The following ITGAM variants were observed in gnomAD, a reference collection of about 807,000 sequenced individuals.
ITGAM encodes the protein integrin alpha-M.
Under a neutral mutation model 137.5 loss-of-function variants are expected in ITGAM, and 79 were observed. That is an observed-to-expected ratio of 0.57 (90% CI 0.48 to 0.69). The LOEUF is 0.69. Ranked by LOEUF, ITGAM falls within the 30% of genes least tolerant of loss-of-function variation. The pLI is 0.00. For missense variants in ITGAM, 1,343 were observed against 1,483.5 expected (o/e 0.91, Z 1.56); for synonymous variants, 583 against 592.3 (o/e 0.98, Z 0.23).
chr16:31,266,418 A>G (rs1339584475), intron 5 of ITGAM, among the ~76,000 whole-genome samples: 2 of 11,814 alleles, frequency 1.7e-4, no homozygotes, highest in African/African-American at 1.8e-3. Flanking sequence ...TCCTGTCTCT[A>G]AAAAAAAAAA....
At chr16:31,261,256 G>A (rs150385612) in intron 1 of ITGAM, among the ~76,000 whole-genome samples, 2 of 144,000 alleles carry the variant, frequency 1.4e-5, no homozygotes, top group East Asian at 4.1e-4. Flanking sequence ...AGGCTGTAGT[G>A]CAGTGGCATG....
intron 14 of ITGAM, among the ~76,000 whole-genome samples, chr16:31,316,368 C>T (rs775979690): frequency 1.4e-5 from 2 of 145,332 alleles, no homozygotes; most frequent in Non-Finnish European, 3.0e-5. Flanking sequence ...GCCTGGGTAA[C>T]AGAGCAAGAC....
intron 16 of ITGAM, among the ~76,000 whole-genome samples, chr16:31,323,070 T>C (rs1289145009): frequency 6.7e-6 from 1 of 148,472 alleles, no homozygotes. Flanking sequence ...ATAGGAAAGA[T>C]GGAATAGGAA....
At chr16:31,298,722 C>T (rs2080164572) in intron 14 of ITGAM, among the ~76,000 whole-genome samples, 1 of 152,214 alleles carries the variant, frequency 6.6e-6, no homozygotes, top group Admixed American at 6.5e-5. Flanking sequence ...TGTGCAGTCA[C>T]ACGTGCCCCT....
At position 31,331,916 on chromosome 16, in the gene ITGAM, T is replaced by G; in HGVS notation, c.*209T>G. 1.8e-6 allele frequency: 1 copy of G among 564,646 alleles called. No homozygotes were observed. The allele number at this position is 564,646 out of a possible 1,614,324, so 35.0% of individuals were successfully genotyped here. A position where few individuals can be genotyped will look rare whatever the true frequency, so the allele number is the denominator to read the frequency against. On this transcript the variant is annotated 3_prime_UTR_variant, in exon 30 of 30. Coordinates refer to ENST00000544665, the MANE Select transcript of ITGAM (RefSeq NM_000632.4). Reference sequence around the variant, plus strand: ...GCACATGTGTGCGTGTGCGTGCATGTGCACTTGCACGCCCATGTGTGAGTG... The same window carrying G: ...GCACATGTGTGCGTGTGCGTGCATGGGCACTTGCACGCCCATGTGTGAGTG...
chr16:31,328,528 T>G (rs1359102875), intron 23 of ITGAM, among the ~76,000 whole-genome samples: 1 of 151,054 alleles, frequency 6.6e-6, no homozygotes, highest in Non-Finnish European at 1.5e-5. Context: ...TGTGTGTGCG[T>G]GCATGGGTGT....
At chr16:31,296,045 C>T (rs983340048) in intron 12 of ITGAM, among the ~76,000 whole-genome samples, 2 of 151,082 alleles carry the variant, frequency 1.3e-5, no homozygotes, top group Non-Finnish European at 2.9e-5. Flanking sequence ...TATGTGGAAT[C>T]ATCCTTGCAT....
At chr16:31,300,728 G>A (rs1597012239) in intron 14 of ITGAM, among the ~76,000 whole-genome samples, 2 of 152,060 alleles carry the variant, frequency 1.3e-5, no homozygotes, top group Non-Finnish European at 2.9e-5. Flanking sequence ...CTGGCCAACA[G>A]GGTAAAACTT....
intron 16 of ITGAM, among the ~76,000 whole-genome samples, chr16:31,323,134 A>C (rs1458942229): frequency 6.6e-6 from 1 of 152,048 alleles, no homozygotes. Context: ...CAGTAGTTAA[A>C]GAATTTCCCC....
chr16:31,267,134 C>G (rs2079778357), intron 5 of ITGAM, among the ~76,000 whole-genome samples: 1 of 152,072 alleles, frequency 6.6e-6, no homozygotes, highest in Admixed American at 6.6e-5. Flanking sequence ...TCCCAAAGTG[C>G]TGGGAATGAG....
chr16:31,268,073 A>G (rs914174422), intron 5 of ITGAM, among the ~76,000 whole-genome samples: 3 of 152,086 alleles, frequency 2.0e-5, no homozygotes, highest in Non-Finnish European at 4.4e-5. Flanking sequence ...CATGAAAACA[A>G]TCTTCTCTCT....
intron 9 of ITGAM, 120 bp from the exon 10 acceptor site, chr16:31,276,551 C>G (rs1460419911): frequency 1.5e-6 from 1 of 687,284 alleles, no homozygotes; most frequent in African/African-American, 1.8e-5. Context: ...AGACTGGTCT[C>G]TAACTCCTGA....
At position 31,330,095 on chromosome 16, in the gene ITGAM, G is replaced by T; in HGVS notation, c.2991G>T (p.Thr997=). Residue 997 remains threonine, a synonymous_variant, in exon 26 of 30, where the codon ACG becomes ACT. Coordinates refer to ENST00000544665, the MANE Select transcript of ITGAM (RefSeq NM_000632.4). ...TCTTTCCTCAGAACCTCTCGAGTAC[G>T]TGCCACACCAAGGAGCGCTTGCCCT... ...QVTFSENLSS[T]CHTKERLPSH... 1.9e-6 allele frequency: 3 copies of T among 1,613,694 alleles called. No homozygotes were observed. The highest frequency in any genetic ancestry group is 1.7e-6 in the Non-Finnish European group (2 of 1,179,770).
intron 16 of ITGAM, among the ~76,000 whole-genome samples, chr16:31,323,512 A>T (rs1256895782): frequency 2.6e-5 from 4 of 152,188 alleles, no homozygotes; most frequent in Non-Finnish European, 4.4e-5. Flanking sequence ...GAAGGACATT[A>T]TATCATTGTA....
At chr16:31,299,741 C>T (rs1485931467) in intron 14 of ITGAM, among the ~76,000 whole-genome samples, 3 of 151,556 alleles carry the variant, frequency 2.0e-5, no homozygotes, top group Non-Finnish European at 4.4e-5. Flanking sequence ...TATCTTTCTT[C>T]TTTTTCTTCT....
intron 7 of ITGAM, 21 bp downstream of exon 7, chr16:31,272,013 T>G (rs2079846607): frequency 6.2e-7 from 1 of 1,613,298 alleles, no homozygotes; most frequent in Non-Finnish European, 8.5e-7. Context: ...CCTTTTCCCT[T>G]AGGATGGAGG....
At chr16:31,302,929 TTTC>T (rs1302266147) in intron 14 of ITGAM, among the ~76,000 whole-genome samples, 3 of 30,866 alleles carry the variant, frequency 9.7e-5, no homozygotes, top group African/African-American at 3.8e-4. Flanking sequence ...TCTTTCTTTC[TTTC>T]TTTCTTTCTT....
intron 14 of ITGAM, among the ~76,000 whole-genome samples, chr16:31,303,993 C>T (rs972394025): frequency 2.6e-5 from 4 of 152,104 alleles, no homozygotes; most frequent in Non-Finnish European, 5.9e-5. Context: ...AGTGGGATTA[C>T]TGAATCAAAT....
Position 31,324,619 on chromosome 16 carries a change from G to C in ITGAM, c.2158-32G>C. ...TGGAGTGGGCTTGGGGAGCTGAGGA[G>C]GGCAGATCCCCAAATCCCGGCTATC... On this transcript the variant is annotated intron_variant, in intron 17 of 29. Coordinates refer to ENST00000544665, the MANE Select transcript of ITGAM (RefSeq NM_000632.4). This position sits in a 1 kb window ranked among gnomAD's most constrained non-coding sequence, Gnocchi z 4.5. The C allele has an allele frequency of 6.2e-7, 1 of 1,607,996 alleles. No homozygotes were observed.
Sources: gnomAD v4.1 joint callset for allele counts (sites outside exome capture counted in the v4.1 genomes callset) on GRCh38, gnomAD v4.1.1 for gene constraint, Gnocchi (gnomAD v3.1) non-coding constraint, MANE v1.5 for transcripts, NCBI Gene and HGNC (gene_info 2026-07-23, HGNC 2026-07-21) for gene names.